Variants in CEP350 observed in about 807,000 individuals in gnomAD.
CEP350 encodes centrosomal protein 350, also known as centrosome-associated protein 350.
Under a neutral mutation model 331.8 loss-of-function variants are expected in CEP350, and 126 were observed. The ratio of observed to expected loss-of-function variants is 0.38; its 90% CI spans 0.33 to 0.44. CEP350 has a LOEUF of 0.44. Among genes scored for constraint, CEP350 ranks in the 20% least tolerant of loss-of-function variants. CEP350 has a pLI of 1.00. For missense variants in CEP350, 3,406 were observed against 3,634.6 expected, an observed-to-expected ratio of 0.94 and a Z score of 1.62; for synonymous variants, 1,200 against 1,259.5, an observed-to-expected ratio of 0.95 and a Z score of 1.00.
At chr1:179,999,858 G>C (rs903049213) in intron 6 of CEP350, among the ~76,000 whole-genome samples, 1 of 152,088 alleles carries the variant, frequency 6.6e-6, no homozygotes, top group Non-Finnish European at 1.5e-5. Flanking sequence ...AGAAACCTAA[G>C]AAGTGCTCTA....
At chr1:179,975,468 A>C (rs1651788837) in intron 1 of CEP350, among the ~76,000 whole-genome samples, 1 of 152,208 alleles carries the variant, frequency 6.6e-6, no homozygotes, top group Non-Finnish European at 1.5e-5. Flanking sequence ...CCATAATTTA[A>C]GCTAAAGATG....
chr1:180,065,052 G>A, intron 26 of CEP350, 63 bp from the exon 27 acceptor site: 2 of 1,452,856 alleles, frequency 1.4e-6, no homozygotes. Context: ...TGAATTGACA[G>A]TATTATGATG....
chr1:180,001,119 ATGGGT>A (rs1653843217), intron 6 of CEP350, among the ~76,000 whole-genome samples: 1 of 152,268 alleles, frequency 6.6e-6, no homozygotes, highest in South Asian at 2.1e-4. Context: ...GCAGTTATGT[ATGGGT>A]TGCTAATTCT....
intron 37 of CEP350, among the ~76,000 whole-genome samples, chr1:180,109,900 G>A (rs1661383777): frequency 6.6e-6 from 1 of 152,166 alleles, no homozygotes; most frequent in South Asian, 2.1e-4. Flanking sequence ...CTCCTGAAGT[G>A]CTGGGATTAC....
At position 180,111,010 on chromosome 1, in the gene CEP350, A is replaced by G; in HGVS notation, c.9203A>G (p.His3068Arg). ...TCTAAATCCTAGGTTCAGGAGCTCC[A>G]TGAGGAGGAGGCACAGTGGGTGAAC... ...RVDHILVQEL[H>R]EEEAQWVNYD... The change falls in exon 38 of 38, where the codon CAT becomes CGT. Residue 3068 changes from histidine to arginine, a missense_variant. Around this residue, in one of 5 missense-constraint regions of CEP350, gnomAD observed 1,415 missense variants for 1,512.3 expected, o/e 0.94. Coordinates refer to ENST00000367607, the MANE Select transcript of CEP350 (RefSeq NM_014810.5). 6.2e-7 allele frequency: 1 copy of G among 1,613,880 alleles called. No homozygotes were observed. Among genetic ancestry groups the G allele is most frequent in the Non-Finnish European group, 8.5e-7 (1 of 1,179,810 alleles).
chr1:180,037,520 C>A (rs1656444476), intron 17 of CEP350, among the ~76,000 whole-genome samples: 1 of 150,978 alleles, frequency 6.6e-6, no homozygotes, highest in Admixed American at 6.6e-5. Flanking sequence ...AAACAAAAAT[C>A]CAGAGATGGT....
chr1:179,996,842 A>G lies in CEP350; in HGVS notation c.685A>G (p.Thr229Ala), dbSNP rs200128324. ...AACTGAGGAAGAAATGCCTAACAGAACAAAAGGAAGTGAGAATAATTTGAA... is the reference window on the plus strand; with the variant it reads ...AACTGAGGAAGAAATGCCTAACAGAGCAAAAGGAAGTGAGAATAATTTGAA... ...MRTEEEMPNR[T>A]KGSENNLKLS... is the part of the protein sequence containing the mutation. The change falls in exon 6 of 38, where the codon ACA (threonine) becomes GCA (alanine). Residue 229 changes from threonine to alanine, a missense_variant. Around this residue, in one of 5 missense-constraint regions of CEP350, gnomAD observed 1,857 missense variants for 1,909.2 expected, o/e 0.97. Coordinates refer to ENST00000367607, the MANE Select transcript of CEP350 (RefSeq NM_014810.5). 1 of 1,613,842 alleles carries G rather than the reference A, an allele frequency of 6.2e-7. No individual in the cohort carries two copies. The highest frequency in any genetic ancestry group is 8.5e-7 in the Non-Finnish European group (1 of 1,179,750).
At chr1:180,025,518 A>G (rs1305744425) in intron 14 of CEP350, among the ~76,000 whole-genome samples, 1 of 152,140 alleles carries the variant, frequency 6.6e-6, no homozygotes, top group African/African-American at 2.4e-5. Context: ...ATGGATAATC[A>G]CTGTACAAAG....
chr1:180,055,968 T>G (rs1657813967), intron 25 of CEP350, among the ~76,000 whole-genome samples: 3 of 152,126 alleles, frequency 2.0e-5, no homozygotes, highest in Non-Finnish European at 4.4e-5. Context: ...CACAATAGCT[T>G]TCTGTTATAA....
rs1011629006 is a variant in CEP350, at chr1:179,989,316, CA to C, written c.121-1182del. Among the ~76,000 whole-genome samples, 8 of 149,278 alleles carry C rather than the reference CA, an allele frequency of 5.4e-5. No homozygotes were observed. In the South Asian group the frequency reaches 8.5e-4, roughly 16 times the overall value. On this transcript the variant is annotated intron_variant, in intron 3 of 37. Transcript: ENST00000367607. ...TTCTGAATTTTAAACTCCATCTCTA[CA>C]AAAAAAAATACAAAAATTAGCTGGG...
chr1:179,963,590 A>ATAGG (rs1650788602), intron 1 of CEP350, among the ~76,000 whole-genome samples: 1 of 151,686 alleles, frequency 6.6e-6, no homozygotes, highest in Non-Finnish European at 1.5e-5. Context: ...TGTTTATTGA[A>ATAGG]TAGGTGTCCT....
chr1:180,029,343 C>G (rs528602584), intron 14 of CEP350, among the ~76,000 whole-genome samples: 87 of 152,146 alleles, frequency 5.7e-4, no homozygotes, highest in Non-Finnish European at 1.1e-3. Context: ...TGTCAACAAA[C>G]AATATTAAGT....
chr1:180,059,638 T>TC (rs1658074607), intron 25 of CEP350, among the ~76,000 whole-genome samples: 1 of 151,902 alleles, frequency 6.6e-6, no homozygotes, highest in Non-Finnish European at 1.5e-5. Context: ...TTTTTTTTTT[T>TC]CATGGAATAG....
intron 37 of CEP350, among the ~76,000 whole-genome samples, chr1:180,100,627 C>T (rs1572002335): frequency 6.6e-6 from 1 of 152,138 alleles, no homozygotes; most frequent in South Asian, 2.1e-4. Flanking sequence ...ATTAATATAT[C>T]GTTTACACAC....
At chr1:180,073,723 C>A in intron 27 of CEP350, 1 of 1,248,424 alleles carries the variant, frequency 8.0e-7, no homozygotes. Flanking sequence ...CTTACGCTTT[C>A]CCTTTCTCAT....
chr1:180,100,164 T>C (rs192386622), intron 37 of CEP350, among the ~76,000 whole-genome samples: 13 of 152,242 alleles, frequency 8.5e-5, no homozygotes, highest in Admixed American at 3.3e-4. Context: ...ACAAATGAGG[T>C]GTCTTACGCC....
chr1:180,087,783 A>C, intron 32 of CEP350, 66 bp downstream of exon 32: 2 of 1,337,698 alleles, frequency 1.5e-6, no homozygotes, highest in Non-Finnish European at 9.7e-7. Context: ...GAATATTTTC[A>C]GTAGAAGTTA....
At position 180,084,079 on chromosome 1, in the gene CEP350, G is replaced by T. The variant is rs571534664; in HGVS notation, c.6186G>T (p.Arg2062=). 34 of 1,601,620 alleles carry T rather than the reference G, an allele frequency of 2.1e-5. 1 individual carries two copies. The South Asian group carries it at 3.2e-4, about 15-fold the overall frequency. Residue 2062 remains arginine, a synonymous_variant, in exon 31 of 38, where the codon CGG becomes CGT. Transcript: ENST00000367607. ...TCAGAGCTCTGAAGGATGAGTTGCG[G>T]AAAAGAAAATCAGTTGTGAACCAGC... The part of the protein sequence containing the change: ...GRIRALKDEL[R]KRKSVVNQLK...
chr1:180,042,159 C>CACACACAT (rs1656807888), intron 19 of CEP350, among the ~76,000 whole-genome samples: 1 of 151,920 alleles, frequency 6.6e-6, no homozygotes, highest in South Asian at 2.1e-4. Flanking sequence ...CACACACACA[C>CACACACAT]ACACACACAT....
Sources: gnomAD v4.1 joint callset for allele counts (sites outside exome capture counted in the v4.1 genomes callset) on GRCh38, gnomAD v4.1.1 for gene constraint, gnomAD v4.1.1 regional missense constraint, MANE v1.5 for transcripts, NCBI Gene and HGNC (gene_info 2026-07-23, HGNC 2026-07-21) for gene names.